The following TIPRL variants were observed in gnomAD, a reference collection of about 807,000 sequenced individuals.
TIPRL encodes TOR signaling pathway regulator.
A neutral mutation model predicts 32.3 loss-of-function variants in TIPRL; 10 were observed. The ratio of observed to expected loss-of-function variants is 0.31; its 90% CI spans 0.19 to 0.52. TIPRL has a LOEUF of 0.52. Ranked by LOEUF, TIPRL falls within the 20% of genes least tolerant of loss-of-function variation. The pLI is 0.96. For synonymous variants in TIPRL, 100 were observed against 114.0 expected, an observed-to-expected ratio of 0.88 and a Z score of 0.78; for missense variants, 250 against 328.1, an observed-to-expected ratio of 0.76 and a Z score of 1.84.
At chr1:168,187,105 C>G (rs947459548) in intron 3 of TIPRL, among the ~76,000 whole-genome samples, 3 of 152,192 alleles carry the variant, frequency 2.0e-5, no homozygotes, top group African/African-American at 7.2e-5. Context: ...ATGCTAGGAG[C>G]CTTGGATACA....
At chr1:168,194,046 T>G (rs1411422247) in intron 4 of TIPRL, among the ~76,000 whole-genome samples, 12 of 152,202 alleles carry the variant, frequency 7.9e-5, no homozygotes, top group Admixed American at 7.9e-4. Context: ...GATGAACAAC[T>G]CTTAGTGAAG....
chr1:168,181,157 A>G (rs1441909411), intron 1 of TIPRL, among the ~76,000 whole-genome samples: 1 of 149,442 alleles, frequency 6.7e-6, no homozygotes, highest in Non-Finnish European at 1.5e-5. Flanking sequence ...TAATTTTTGT[A>G]TTTTTATTTA....
At chr1:168,186,090 A>T (rs567025901) in intron 3 of TIPRL, among the ~76,000 whole-genome samples, 1 of 151,118 alleles carries the variant, frequency 6.6e-6, no homozygotes, top group Non-Finnish European at 1.5e-5. Context: ...AAAAAAAAAA[A>T]AAAAAAAAAA....
intron 3 of TIPRL, among the ~76,000 whole-genome samples, chr1:168,188,655 C>T (rs980763614): frequency 4.6e-5 from 7 of 151,972 alleles, no homozygotes; most frequent in African/African-American, 1.7e-4. Context: ...TGGTCTAGGA[C>T]CAGAGTTTGA....
chr1:168,187,713 A>G (rs1700044896), intron 3 of TIPRL, among the ~76,000 whole-genome samples: 1 of 152,224 alleles, frequency 6.6e-6, no homozygotes, highest in Non-Finnish European at 1.5e-5. Flanking sequence ...GTAGTGGCTC[A>G]TGCCTGTAGT....
At chr1:168,196,668 A>G in intron 5 of TIPRL, 26 bp downstream of exon 5, 1 of 1,448,172 alleles carries the variant, frequency 6.9e-7, no homozygotes, top group African/African-American at 1.4e-5. Context: ...TAATGAATAT[A>G]CTAATTGATA....
At chr1:168,191,977 G>A (rs12074510) in intron 4 of TIPRL, among the ~76,000 whole-genome samples, 2 of 150,946 alleles carry the variant, frequency 1.3e-5, no homozygotes. Context: ...CAAAATATTT[G>A]TGTATTCTTA....
intron 4 of TIPRL, chr1:168,192,075 T>C: frequency 3.7e-6 from 4 of 1,078,570 alleles, no homozygotes; most frequent in Non-Finnish European, 3.5e-6. Flanking sequence ...ATGAAGACTG[T>C]GGCTTAATTT....
intron 4 of TIPRL, among the ~76,000 whole-genome samples, chr1:168,193,462 G>A (rs981909497): frequency 1.3e-5 from 2 of 151,456 alleles, no homozygotes; most frequent in South Asian, 2.1e-4. Flanking sequence ...ACTTTTTTTT[G>A]TTTAGATTTA....
chr1:168,197,649 A>G (rs2102313698), intron 5 of TIPRL, among the ~76,000 whole-genome samples: 1 of 152,010 alleles, frequency 6.6e-6, no homozygotes, highest in Non-Finnish European at 1.5e-5. Context: ...CCTCCCTAGT[A>G]GCTGGGATTA....
Position 168,199,916 on chromosome 1 carries a change from C to A in TIPRL, c.689C>A (p.Ser230Tyr), listed in dbSNP as rs760512618. ...TGTATTTCCTAGCATGTTCCACCTTCCCTCTTCACGGAACCTAATGAAATA... is the reference window on the plus strand; with the variant it reads ...TGTATTTCCTAGCATGTTCCACCTTACCTCTTCACGGAACCTAATGAAATA... ...KISSLMHVPP[S>Y]LFTEPNEISQ... The change falls in exon 7 of 7, where the codon TCC (serine) becomes TAC (tyrosine). Residue 230 changes from serine to tyrosine, a missense_variant. Transcript: ENST00000367833. The A allele has an allele frequency of 6.2e-7, 1 of 1,612,762 alleles. No individual in the cohort carries two copies.
At chr1:168,185,603 T>A (rs1700016488) in intron 3 of TIPRL, among the ~76,000 whole-genome samples, 1 of 113,660 alleles carries the variant, frequency 8.8e-6, no homozygotes, top group Non-Finnish European at 1.6e-5. Flanking sequence ...AAACCCCTTG[T>A]CTATTAAAAA....
intron 1 of TIPRL, among the ~76,000 whole-genome samples, chr1:168,180,097 C>A (rs1177185136): frequency 6.6e-6 from 1 of 152,144 alleles, no homozygotes; most frequent in Non-Finnish European, 1.5e-5. Flanking sequence ...ATCAGATGTA[C>A]GCTCTGAAAG....
At chr1:168,197,795 G>C (rs758618886) in intron 5 of TIPRL, among the ~76,000 whole-genome samples, 4 of 152,124 alleles carry the variant, frequency 2.6e-5, no homozygotes, top group Admixed American at 6.5e-5. Flanking sequence ...CCAAAGTGCT[G>C]GGATTATAGG....
At chr1:168,190,669 A>G (rs1032848511) in intron 3 of TIPRL, among the ~76,000 whole-genome samples, 7 of 152,242 alleles carry the variant, frequency 4.6e-5, no homozygotes, top group African/African-American at 1.7e-4. Flanking sequence ...AGAAAATAGT[A>G]TCACAATTCA....
intron 4 of TIPRL, among the ~76,000 whole-genome samples, chr1:168,195,930 C>T (rs2294250): frequency 0.028 from 4,272 of 152,266 alleles, 82 homozygotes; most frequent in Middle Eastern, 0.071. Context: ...GCTCTCTCCC[C>T]GCCACCAGGA....
chr1:168,197,154 A>T (rs1214815472), intron 5 of TIPRL, among the ~76,000 whole-genome samples: 1 of 152,168 alleles, frequency 6.6e-6, no homozygotes, highest in Non-Finnish European at 1.5e-5. Context: ...TCTCTACTAA[A>T]AATACAAAAA....
At chr1:168,190,791 A>G (rs949682119) in intron 3 of TIPRL, among the ~76,000 whole-genome samples, 1 of 152,160 alleles carries the variant, frequency 6.6e-6, no homozygotes, top group Non-Finnish European at 1.5e-5. Flanking sequence ...TAGAGCTACA[A>G]AATAATACCT....
At position 168,188,110 on chromosome 1, in the gene TIPRL, A is replaced by G. The variant is rs2294252; in HGVS notation, c.384+3232A>G. Among the ~76,000 whole-genome samples, 11 of 152,240 alleles carry G rather than the reference A, an allele frequency of 7.2e-5. No individual in the cohort carries two copies. In the East Asian group the frequency reaches 2.1e-3, roughly 29 times the overall value. On this transcript the variant is annotated intron_variant, in intron 3 of 6. Transcript: ENST00000367833. ...GTAGATATATTATCTATGGTATATT[A>G]TTATATTAAATAGCAGCCCAAATGG...
Sources: gnomAD v4.1 joint callset for allele counts (sites outside exome capture counted in the v4.1 genomes callset) on GRCh38, gnomAD v4.1.1 for gene constraint, MANE v1.5 for transcripts, NCBI Gene and HGNC (gene_info 2026-07-23, HGNC 2026-07-21) for gene names.